The following TTC7B variants were observed in gnomAD, a reference collection of about 807,000 sequenced individuals.
The protein encoded by TTC7B is tetratricopeptide repeat protein 7B.
A neutral mutation model predicts 106.8 loss-of-function variants in TTC7B; 28 were observed. That is an observed-to-expected ratio of 0.26 (90% CI 0.19 to 0.36). The LOEUF (loss-of-function observed/expected upper bound fraction) is 0.36. Ranked by LOEUF, TTC7B falls within the 10% of genes least tolerant of loss-of-function variation. The pLI, the probability that TTC7B is intolerant of heterozygous loss-of-function variation, is 1.00. For missense variants in TTC7B, 862 were observed against 1,076.4 expected (o/e 0.80, Z 2.79); for synonymous variants, 405 against 430.6 (o/e 0.94, Z 0.74).
intron 9 of TTC7B, among the ~76,000 whole-genome samples, chr14:90,664,692 C>T (rs948859576): frequency 1.3e-5 from 2 of 152,140 alleles, no homozygotes; most frequent in African/African-American, 4.8e-5. Context: ...TCACTCAAGC[C>T]CAGCTCGCAG....
chr14:90,581,160 G>A (rs936139801), intron 18 of TTC7B, among the ~76,000 whole-genome samples: 4 of 152,192 alleles, frequency 2.6e-5, no homozygotes, highest in Non-Finnish European at 5.9e-5. Flanking sequence ...CGGGGCCCAG[G>A]GGCTTGTGGA....
At chr14:90,716,393 T>C (rs1158474390) in intron 5 of TTC7B, among the ~76,000 whole-genome samples, 1 of 152,194 alleles carries the variant, frequency 6.6e-6, no homozygotes, top group Non-Finnish European at 1.5e-5. Context: ...AAACTGGATT[T>C]TACATGGAAG....
At chr14:90,633,937 C>T (rs1330403907) in intron 15 of TTC7B, among the ~76,000 whole-genome samples, 2 of 151,582 alleles carry the variant, frequency 1.3e-5, no homozygotes, top group East Asian at 3.9e-4. Context: ...TGCAGTGGCG[C>T]GGTCTCAGCT....
intron 5 of TTC7B, among the ~76,000 whole-genome samples, chr14:90,728,113 TC>T (rs1194554504): frequency 2.0e-5 from 3 of 152,016 alleles, no homozygotes; most frequent in African/African-American, 7.2e-5. Flanking sequence ...CACCTCCACC[TC>T]CTAAAAGTAA....
rs541176574 is a variant in TTC7B, at chr14:90,577,500, C to T, written c.2310+606G>A. ...CCAGGCTTTTGGCCCAGGCTGTAGA[C>T]GAAGGATGTGCACTCGTTGAGCGCC... On this transcript the variant is annotated intron_variant, in intron 19 of 19. Transcript: ENST00000328459. This position sits in a 1 kb window ranked among gnomAD's most constrained non-coding sequence, Gnocchi z 5.0. 6.6e-6 allele frequency among the ~76,000 whole-genome samples: 1 copy of T among 152,162 alleles called. No homozygotes were observed. Among genetic ancestry groups the T allele is most frequent in the African/African-American group, 2.4e-5 (1 of 41,438 alleles).
chr14:90,723,629 C>T (rs1888977474), intron 5 of TTC7B, among the ~76,000 whole-genome samples: 1 of 152,194 alleles, frequency 6.6e-6, no homozygotes, highest in African/African-American at 2.4e-5. Context: ...TTCCTTCTCA[C>T]CCTGCAAGTC....
intron 9 of TTC7B, among the ~76,000 whole-genome samples, chr14:90,665,430 T>C (rs1465030115): frequency 2.0e-5 from 3 of 152,194 alleles, no homozygotes; most frequent in Admixed American, 6.5e-5. Flanking sequence ...AAATCAGCCA[T>C]CTCTGAGGGG....
At chr14:90,797,893 C>T (rs1358425581) in intron 1 of TTC7B, among the ~76,000 whole-genome samples, 1 of 152,146 alleles carries the variant, frequency 6.6e-6, no homozygotes, top group African/African-American at 2.4e-5. Context: ...CACCCATAAA[C>T]ACATGGAGCA....
intron 1 of TTC7B, among the ~76,000 whole-genome samples, chr14:90,809,181 TC>T (rs2030763118): frequency 6.6e-6 from 1 of 152,102 alleles, no homozygotes; most frequent in Non-Finnish European, 1.5e-5. Context: ...TGGCCACAGC[TC>T]CAGGCCTCAA....
chr14:90,593,895 C>CA (rs1380829129), intron 17 of TTC7B: 2 of 331,822 alleles, frequency 6.0e-6, no homozygotes, highest in Non-Finnish European at 1.1e-5. Flanking sequence ...GATGGGGGGC[C>CA]AGATACACAG....
chr14:90,702,751 T>C (rs886328231), intron 5 of TTC7B, among the ~76,000 whole-genome samples: 3 of 152,296 alleles, frequency 2.0e-5, no homozygotes, highest in Admixed American at 2.0e-4. Flanking sequence ...AGACAACCCA[T>C]GTCAGGTAAG....
Position 90,657,095 on chromosome 14 carries a change from T to C in TTC7B, c.1341+79A>G. ...TGATGAATCACCCTCGCTTTCTCTC[T>C]GTGCCTCGACATGAAAAAAATGGGC... On this transcript the variant is annotated intron_variant, in intron 11 of 19. Transcript: ENST00000328459. The surrounding 1 kb of genome is among the most constrained non-coding windows in gnomAD (Gnocchi z 4.2). 8.2e-7 allele frequency: 1 copy of C among 1,218,578 alleles called. No homozygotes were observed. Among genetic ancestry groups the C allele is most frequent in the East Asian group, 2.3e-5 (1 of 42,848 alleles). 75.5% of individuals were successfully genotyped at this position (1,218,578 alleles called of 1,614,324 possible).
rs1891000332 is a variant in TTC7B at position 90,570,724 on chromosome 14, C to CTTT, written c.2310+7381_2310+7382insAAA. On this transcript the variant is annotated intron_variant, in intron 19 of 19. Coordinates refer to ENST00000328459, the MANE Select transcript of TTC7B (RefSeq NM_001010854.2). The surrounding 1 kb of genome is among the most constrained non-coding windows in gnomAD (Gnocchi z 4.0). ...GACGCAAAGGATCTCCCAGCCCAGG[C>CTTT]GCGACCTGGATTACAGAGAATGACA... is the stretch of plus-strand genomic sequence containing the variant. 4.6e-5 allele frequency among the ~76,000 whole-genome samples: 7 copies of CTTT among 152,216 alleles called. No homozygotes were observed. Among genetic ancestry groups the CTTT allele is most frequent in the Non-Finnish European group, 1.0e-4 (7 of 68,050 alleles).
chr14:90,798,112 C>A (rs778167919), intron 1 of TTC7B, among the ~76,000 whole-genome samples: 1 of 152,186 alleles, frequency 6.6e-6, no homozygotes, highest in Non-Finnish European at 1.5e-5. Flanking sequence ...GTGACCGCCA[C>A]GAGAACGTGC....
At chr14:90,722,180 C>T (rs936990691) in intron 5 of TTC7B, among the ~76,000 whole-genome samples, 12 of 152,178 alleles carry the variant, frequency 7.9e-5, no homozygotes, top group African/African-American at 1.7e-4. Flanking sequence ...CTATATCTCA[C>T]GCTACTCCAT....
rs555645647 is a variant in TTC7B at position 90,709,797 on chromosome 14, A to G, written c.699-14219T>C. 4.7e-4 allele frequency among the ~76,000 whole-genome samples: 71 copies of G among 152,102 alleles called. 1 individual carries two copies. The highest frequency in any genetic ancestry group is 3.7e-3 in the South Asian group (18 of 4,828). On this transcript the variant is annotated intron_variant, in intron 5 of 19. Transcript: ENST00000328459. ...TATTTTATAATGCTTTTGTCATGGC[A>G]TAAGTCTAGCATAATATTAATTGAC...
At chr14:90,550,026 A>G (rs1469037516) in intron 19 of TTC7B, among the ~76,000 whole-genome samples, 1 of 152,220 alleles carries the variant, frequency 6.6e-6, no homozygotes, top group Non-Finnish European at 1.5e-5. Context: ...CACGACAGGC[A>G]AGGGTTAAGT....
At chr14:90,625,774 T>C (rs1243609317) in intron 15 of TTC7B, among the ~76,000 whole-genome samples, 1 of 152,170 alleles carries the variant, frequency 6.6e-6, no homozygotes, top group Non-Finnish European at 1.5e-5. Context: ...CTCAATAATG[T>C]CACGTGAATA....
At chr14:90,741,535 G>T (rs998603635) in intron 4 of TTC7B, among the ~76,000 whole-genome samples, 2 of 152,144 alleles carry the variant, frequency 1.3e-5, no homozygotes, top group Non-Finnish European at 2.9e-5. Context: ...TTCCTACCTG[G>T]CAGGGCTGAT....
Sources: gnomAD v4.1 joint callset for allele counts (sites outside exome capture counted in the v4.1 genomes callset) on GRCh38, gnomAD v4.1.1 for gene constraint, Gnocchi (gnomAD v3.1) non-coding constraint, MANE v1.5 for transcripts, NCBI Gene and HGNC (gene_info 2026-07-23, HGNC 2026-07-21) for gene names.